The following SRFBP1 variants were observed in gnomAD, a reference collection of about 807,000 sequenced individuals.
SRFBP1 encodes the protein serum response factor binding protein 1.
SRFBP1 carries 47 observed loss-of-function variants against 45.5 expected under a neutral mutation model. The ratio of observed to expected loss-of-function variants is 1.03; its 90% CI spans 0.82 to 1.32. The LOEUF is 1.32. Ranked by LOEUF, SRFBP1 falls within the 40% of genes most tolerant of loss-of-function variation. The pLI, the probability that SRFBP1 is intolerant of heterozygous loss-of-function variation, is 0.00. For missense variants in SRFBP1, 621 were observed against 484.6 expected, an observed-to-expected ratio of 1.28 and a Z score of -2.64; for synonymous variants, 203 against 166.3, an observed-to-expected ratio of 1.22 and a Z score of -1.70.
chr5:122,036,731 A>G (rs1413213982), intron 2 of SRFBP1, among the ~76,000 whole-genome samples: 3 of 152,100 alleles, frequency 2.0e-5, no homozygotes, highest in Non-Finnish European at 2.9e-5. Flanking sequence ...GAGTGTGTCC[A>G]TATGACCCAA....
chr5:121,998,639 C>T (rs920464262), intron 4 of SRFBP1, among the ~76,000 whole-genome samples: 7 of 135,256 alleles, frequency 5.2e-5, no homozygotes, highest in Non-Finnish European at 7.7e-5. Flanking sequence ...ACAATGTGCA[C>T]ATGTACCCTA....
downstream of SRFBP1, chr5:122,077,282 G>A: frequency 6.3e-7 from 1 of 1,594,270 alleles, no homozygotes; most frequent in Non-Finnish European, 8.5e-7. This position sits in a 1 kb window ranked among gnomAD's most constrained non-coding sequence, Gnocchi z 4.9. Flanking sequence ...CCGCGCCCAG[G>A]CAGCCACGTC....
At chr5:122,038,352 A>G (rs1753723877) in intron 2 of SRFBP1, among the ~76,000 whole-genome samples, 1 of 152,220 alleles carries the variant, frequency 6.6e-6, no homozygotes, top group Admixed American at 6.5e-5. Context: ...AACGAGATTC[A>G]TGTCATACAG....
intron 1 of SRFBP1, among the ~76,000 whole-genome samples, chr5:121,966,023 T>C (rs561960641): frequency 6.6e-6 from 1 of 152,338 alleles, no homozygotes; most frequent in East Asian, 1.9e-4. Flanking sequence ...TTGTGATTTT[T>C]GCACATTGAT....
intron 2 of SRFBP1, among the ~76,000 whole-genome samples, chr5:122,050,806 A>G (rs1290693694): frequency 6.6e-6 from 1 of 151,802 alleles, no homozygotes; most frequent in Non-Finnish European, 1.5e-5. Flanking sequence ...TGGGATTGGC[A>G]TGCTCTTGTT....
chr5:121,997,840 CA>C (rs1474610930), intron 4 of SRFBP1, among the ~76,000 whole-genome samples: 2 of 151,014 alleles, frequency 1.3e-5, no homozygotes, highest in Non-Finnish European at 3.0e-5. Flanking sequence ...ACAACCCCAT[CA>C]AAAAGTGGGC....
At chr5:122,055,888 AG>A (rs1313560988) in intron 2 of SRFBP1, among the ~76,000 whole-genome samples, 1 of 152,204 alleles carries the variant, frequency 6.6e-6, no homozygotes, top group Non-Finnish European at 1.5e-5. Flanking sequence ...CTTTATATGT[AG>A]GGGAACTTCC....
intron 2 of SRFBP1, among the ~76,000 whole-genome samples, chr5:122,050,042 A>G (rs1449503443): frequency 1.3e-5 from 2 of 152,170 alleles, no homozygotes; most frequent in East Asian, 3.8e-4. Flanking sequence ...GTGATTAATC[A>G]TATTTATTGA....
Position 122,045,879 on chromosome 5 carries a change from C to T in SRFBP1, n.311+23472C>T, listed in dbSNP as rs368682984. On this transcript the variant is annotated intron_variant and non_coding_transcript_variant, in intron 2 of 2. Transcript: ENST00000504881. ...TCTTGCCTGATTGCACTGGCGATGA[C>T]TTCCAATACTATGTTGAATAGGAGT... is the stretch of plus-strand genomic sequence containing the variant. 7.9e-5 allele frequency among the ~76,000 whole-genome samples: 12 copies of T among 152,286 alleles called. No individual in the cohort carries two copies. The South Asian group carries it at 1.7e-3, about 21-fold the overall frequency.
intron 3 of SRFBP1, among the ~76,000 whole-genome samples, chr5:121,988,612 T>C (rs1205987810): frequency 6.6e-6 from 1 of 152,230 alleles, no homozygotes; most frequent in Non-Finnish European, 1.5e-5. Flanking sequence ...TTATTGGCTG[T>C]TAGTCACGTA....
At chr5:122,055,587 G>T (rs542068879) in intron 2 of SRFBP1, among the ~76,000 whole-genome samples, 52 of 151,916 alleles carry the variant, frequency 3.4e-4, no homozygotes, top group Admixed American at 7.2e-4. Flanking sequence ...TATCATTCCA[G>T]TAAAACCAAT....
At chr5:122,035,656 T>C (rs1413945000) in intron 2 of SRFBP1, among the ~76,000 whole-genome samples, 1 of 152,214 alleles carries the variant, frequency 6.6e-6, no homozygotes, top group Non-Finnish European at 1.5e-5. Context: ...GCTTACTATA[T>C]TCTATGCCCC....
intron 4 of SRFBP1, among the ~76,000 whole-genome samples, chr5:122,018,447 T>C (rs1266963244): frequency 6.6e-6 from 1 of 152,078 alleles, no homozygotes; most frequent in African/African-American, 2.4e-5. Context: ...GAAAGACAAA[T>C]AGTGGGAAAG....
At chr5:122,029,853 T>G (rs1233851142), downstream of SRFBP1, among the ~76,000 whole-genome samples, 2 of 152,224 alleles carry the variant, frequency 1.3e-5, no homozygotes, top group African/African-American at 4.8e-5. Context: ...TCCTTCATTA[T>G]TTTAGTGCTC....
At chr5:122,035,702 G>A (rs1753684079) in intron 2 of SRFBP1, among the ~76,000 whole-genome samples, 1 of 152,086 alleles carries the variant, frequency 6.6e-6, no homozygotes, top group South Asian at 2.1e-4. Flanking sequence ...TGCTGTATAA[G>A]TGTTTTTATG....
At chr5:122,038,318 G>A (rs910745300) in intron 2 of SRFBP1, among the ~76,000 whole-genome samples, 11 of 152,136 alleles carry the variant, frequency 7.2e-5, no homozygotes, top group African/African-American at 2.7e-4. Context: ...GAGTCGGGAG[G>A]AAAATGACTA....
chr5:122,041,557 CAG>C (rs75081538), intron 2 of SRFBP1, among the ~76,000 whole-genome samples: 17,689 of 151,768 alleles, frequency 0.12, 1,106 homozygotes, highest in Non-Finnish European at 0.14. Context: ...TTTTTTCAAA[CAG>C]AATATTTCAT....
intron 2 of SRFBP1, among the ~76,000 whole-genome samples, chr5:122,072,936 T>A (rs1580562503): frequency 6.6e-6 from 1 of 152,310 alleles, no homozygotes; most frequent in East Asian, 1.9e-4. Flanking sequence ...GAAAAGGGAA[T>A]CTGTATATGC....
At chr5:122,060,085 A>G (rs544770279) in intron 2 of SRFBP1, among the ~76,000 whole-genome samples, 1 of 152,218 alleles carries the variant, frequency 6.6e-6, no homozygotes, top group South Asian at 2.1e-4. Flanking sequence ...TTCATGAAAC[A>G]CAGAAGACGA....
Sources: gnomAD v4.1 joint callset for allele counts (sites outside exome capture counted in the v4.1 genomes callset) on GRCh38, gnomAD v4.1.1 for gene constraint, Gnocchi (gnomAD v3.1) non-coding constraint, MANE v1.5 for transcripts, NCBI Gene and HGNC (gene_info 2026-07-23, HGNC 2026-07-21) for gene names.